CDC16: variants seen among roughly 807,000 people sequenced by gnomAD.
CDC16 encodes cell division cycle protein 16 homolog.
CDC16 carries 34 observed loss-of-function variants against 87.0 expected under a neutral mutation model. The ratio of observed to expected loss-of-function variants is 0.39; its 90% CI spans 0.30 to 0.52. The LOEUF (loss-of-function observed/expected upper bound fraction) is 0.52, where lower values mean the gene tolerates loss of function less well. CDC16 is among the 20% of genes least tolerant of loss of function. The pLI, the probability that CDC16 is intolerant of heterozygous loss-of-function variation, is 0.74. For missense variants in CDC16, 653 were observed against 751.9 expected, an observed-to-expected ratio of 0.87 and a Z score of 1.54; for synonymous variants, 263 against 260.6, an observed-to-expected ratio of 1.01 and a Z score of -0.09.
chr13:114,240,298 C>A (rs1007732171), intron 5 of CDC16, among the ~76,000 whole-genome samples: 10 of 152,204 alleles, frequency 6.6e-5, no homozygotes, highest in Middle Eastern at 3.4e-3. Context: ...CAGCCTCAAC[C>A]TCCCAAGCTC....
At position 114,263,006 on chromosome 13, in the gene CDC16, T is replaced by C. The variant is rs1220073853; in HGVS notation, c.1504T>C (p.Phe502Leu). 3 of 1,612,566 alleles carry C rather than the reference T, an allele frequency of 1.9e-6. No homozygotes were observed. In the African/African-American group the frequency reaches 4.0e-5, roughly 22 times the overall value. Residue 502 changes from phenylalanine (F) to leucine (L), a missense_variant, in exon 16 of 18, where the codon TTC (phenylalanine) becomes CTC (leucine). Transcript: ENST00000356221. Reference sequence around the variant, plus strand: ...CAACTTTGAAAATGCTGTGGACTACTTCCACACAGTATGTCTTTTCTTTGT... The same window carrying C: ...CAACTTTGAAAATGCTGTGGACTACCTCCACACAGTATGTCTTTTCTTTGT... ...MGNFENAVDY[F>L]HTALGLRRDD... is the part of the protein sequence containing the mutation.
At chr13:114,267,425 CGGG>C in intron 17 of CDC16, among the ~76,000 whole-genome samples, 1 of 152,096 alleles carries the variant, frequency 6.6e-6, no homozygotes, top group East Asian at 1.9e-4. Flanking sequence ...CACTTGAACC[CGGG>C]AGGCAGAGGT....
chr13:114,236,586 T>C (rs1002551943), intron 1 of CDC16, 59 bp from the exon 2 acceptor site: 116 of 1,393,732 alleles, frequency 8.3e-5, no homozygotes, highest in Non-Finnish European at 1.1e-4. Flanking sequence ...ATTAGATAAC[T>C]GTTTAAGACT....
chr13:114,251,634 G>T (rs976681670), intron 12 of CDC16, among the ~76,000 whole-genome samples: 3 of 152,164 alleles, frequency 2.0e-5, no homozygotes, highest in Non-Finnish European at 4.4e-5. Flanking sequence ...AAGTATCATA[G>T]CTCCTTAGCT....
intron 16 of CDC16, 71 bp from the exon 17 acceptor site, chr13:114,265,079 G>T: frequency 8.9e-7 from 1 of 1,120,820 alleles, no homozygotes; most frequent in South Asian, 1.2e-5. Flanking sequence ...GGAATATTTT[G>T]AAATGAATCA....
intron 17 of CDC16, among the ~76,000 whole-genome samples, chr13:114,266,070 G>C (rs950564758): frequency 1.3e-5 from 2 of 152,170 alleles, no homozygotes; most frequent in African/African-American, 4.8e-5. Context: ...GCCTGCCTCG[G>C]CCTCTCAAAG....
In CDC16 at chr13:114,249,221, G is replaced by A. The variant is rs142631957; in HGVS notation, c.972-1328G>A. On this transcript the variant is annotated intron_variant, in intron 11 of 17. Coordinates refer to ENST00000356221, the MANE Select transcript of CDC16 (RefSeq NM_001078645.3). ...GCCACCTAGATCCCTCACATGTGCA[G>A]TTAACAATAGGGTTTGCGCACTTAC... Among the ~76,000 whole-genome samples, 1,478 of 151,978 alleles carry A rather than the reference G, an allele frequency of 9.7e-3. 22 individuals carry two copies. Among genetic ancestry groups the A allele is most frequent in the African/African-American group, 0.034 (1,405 of 41,458 alleles).
At chr13:114,245,242 T>C (rs2138931148) in intron 9 of CDC16, among the ~76,000 whole-genome samples, 2 of 152,078 alleles carry the variant, frequency 1.3e-5, no homozygotes, top group Middle Eastern at 6.8e-3. Context: ...AGCTTTAAAT[T>C]GTTGGGTGTC....
chr13:114,236,345 C>G (rs1325033015), intron 1 of CDC16, among the ~76,000 whole-genome samples: 1 of 152,186 alleles, frequency 6.6e-6, no homozygotes, highest in Non-Finnish European at 1.5e-5. Context: ...TTTGCTGTTT[C>G]ACTTGCATTT....
chr13:114,250,695 C>A (rs2082124302), intron 12 of CDC16, 21 bp downstream of exon 12: 1 of 1,612,156 alleles, frequency 6.2e-7, no homozygotes, highest in South Asian at 1.1e-5. Flanking sequence ...GCAAACTCAT[C>A]AAACTCCATG....
At chr13:114,262,750 C>A in intron 15 of CDC16, 129 bp from the exon 16 acceptor site, 1 of 855,882 alleles carries the variant, frequency 1.2e-6, no homozygotes, top group Non-Finnish European at 1.9e-6. Flanking sequence ...GTGTGGAGAA[C>A]ATTCACCAGT....
chr13:114,238,865 T>A, intron 3 of CDC16, 125 bp from the exon 4 acceptor site: 1 of 1,281,392 alleles, frequency 7.8e-7, no homozygotes, highest in Non-Finnish European at 1.1e-6. Flanking sequence ...CTGGATTTTT[T>A]TTTTAACTGC....
At position 114,250,510 on chromosome 13, in the gene CDC16, A is replaced by G. The variant is rs751560204; in HGVS notation, c.972-39A>G. The G allele has an allele frequency of 5.8e-6, 9 of 1,564,082 alleles. 1 individual carries two copies. The South Asian group carries it at 1.1e-4, about 18-fold the overall frequency. ...TTGTCTCAAAAAAAAAAAAAAAAGAATAAATACTATATGACTTAAATTAAC... is the reference window on the plus strand; with the variant it reads ...TTGTCTCAAAAAAAAAAAAAAAAGAGTAAATACTATATGACTTAAATTAAC... On this transcript the variant is annotated intron_variant, in intron 11 of 17. Coordinates refer to ENST00000356221, the MANE Select transcript of CDC16 (RefSeq NM_001078645.3).
intron 13 of CDC16, among the ~76,000 whole-genome samples, chr13:114,257,799 T>G (rs984226362): frequency 3.5e-4 from 53 of 152,180 alleles, no homozygotes; most frequent in African/African-American, 1.3e-3. Context: ...TTGTTTTTGT[T>G]TTTTTGAGAT....
At chr13:114,238,590 A>G (rs1228761063) in intron 3 of CDC16, among the ~76,000 whole-genome samples, 1 of 152,272 alleles carries the variant, frequency 6.6e-6, no homozygotes, top group Non-Finnish European at 1.5e-5. Context: ...GACCCCCAGC[A>G]GTTATTCACA....
At chr13:114,257,678 G>A (rs1255591640) in intron 13 of CDC16, among the ~76,000 whole-genome samples, 1 of 152,138 alleles carries the variant, frequency 6.6e-6, no homozygotes, top group Non-Finnish European at 1.5e-5. Context: ...TAGAATATTT[G>A]TAGAATAAGT....
At chr13:114,240,868 T>C (rs1389386862) in intron 5 of CDC16, among the ~76,000 whole-genome samples, 1 of 152,204 alleles carries the variant, frequency 6.6e-6, no homozygotes, top group Admixed American at 6.5e-5. Context: ...GGACCTCTTA[T>C]CCATTAACTT....
At chr13:114,243,498 C>CAA (rs35430682) in intron 7 of CDC16, 150 bp downstream of exon 7, 12,504 of 373,644 alleles carry the variant, frequency 0.033, 9 homozygotes, top group South Asian at 0.04. Context: ...CATAAGATTC[C>CAA]AAAAAAAAAA....
At chr13:114,267,114 C>T (rs2083278007) in intron 17 of CDC16, among the ~76,000 whole-genome samples, 1 of 152,166 alleles carries the variant, frequency 6.6e-6, no homozygotes, top group South Asian at 2.1e-4. Flanking sequence ...TTAAAACATT[C>T]AGGCAATGTA....
Sources: gnomAD v4.1 joint callset for allele counts (sites outside exome capture counted in the v4.1 genomes callset) on GRCh38, gnomAD v4.1.1 for gene constraint, MANE v1.5 for transcripts, NCBI Gene and HGNC (gene_info 2026-07-23, HGNC 2026-07-21) for gene names.